Variants in GPC6 observed in about 807,000 individuals in gnomAD.
GPC6 encodes the protein glypican 6.
Under a neutral mutation model 55.2 loss-of-function variants are expected in GPC6, and 14 were observed. The observed-to-expected ratio is 0.25, with a 90% CI of 0.17 to 0.40. The LOEUF (loss-of-function observed/expected upper bound fraction) is 0.40. Ranked by LOEUF, GPC6 falls within the 10% of genes least tolerant of loss-of-function variation. The pLI, the probability that GPC6 is intolerant of heterozygous loss-of-function variation, is 1.00. For synonymous variants in GPC6, 278 were observed against 259.6 expected, an observed-to-expected ratio of 1.07 and a Z score of -0.68; for missense variants, 641 against 708.5, an observed-to-expected ratio of 0.90 and a Z score of 1.08.
intron 4 of GPC6, among the ~76,000 whole-genome samples, chr13:94,079,485 T>A (rs186831266): frequency 6.6e-6 from 1 of 152,174 alleles, no homozygotes; most frequent in Non-Finnish European, 1.5e-5. Context: ...TCAATGTTTG[T>A]AGAGTCATTG....
chr13:93,627,338 C>CT (rs1352675008), intron 2 of GPC6, among the ~76,000 whole-genome samples: 1 of 152,070 alleles, frequency 6.6e-6, no homozygotes, highest in African/African-American at 2.4e-5. Flanking sequence ...TGAACTCATC[C>CT]TTTTTTATGG....
intron 4 of GPC6, among the ~76,000 whole-genome samples, chr13:94,125,637 T>A (rs1886780582): frequency 6.6e-6 from 1 of 152,112 alleles, no homozygotes; most frequent in Non-Finnish European, 1.5e-5. Context: ...AGACCTGCAC[T>A]GCTGGCCCAG....
chr13:94,272,607 C>T (rs11618826), intron 4 of GPC6, among the ~76,000 whole-genome samples: 9,733 of 151,014 alleles, frequency 0.064, 440 homozygotes, highest in Non-Finnish European at 0.094. Flanking sequence ...TAGCTGGGAC[C>T]ACAGGCGCCC....
chr13:94,093,468 A>G (rs565394210), intron 4 of GPC6, among the ~76,000 whole-genome samples: 7 of 152,024 alleles, frequency 4.6e-5, no homozygotes, highest in African/African-American at 1.7e-4. Flanking sequence ...TTACGTATCT[A>G]TTTTTGTGGT....
chr13:93,808,441 C>T lies in GPC6; in HGVS notation c.320-21713C>T, dbSNP rs115148010. Among the ~76,000 whole-genome samples the T allele has an allele frequency of 3.0e-3, 458 of 152,260 alleles. 3 individuals carry two copies. Among genetic ancestry groups the T allele is most frequent in the African/African-American group, 0.011 (446 of 41,546 alleles). ...CCTGATCTTTAAGTACATAATAACT[C>T]CTCTCTCTATATGAGATGCTTTCAG... On this transcript the variant is annotated intron_variant, in intron 2 of 8. Coordinates refer to ENST00000377047, the MANE Select transcript of GPC6 (RefSeq NM_005708.5).
chr13:93,804,401 G>C (rs1594471889), intron 2 of GPC6, among the ~76,000 whole-genome samples: 1 of 152,040 alleles, frequency 6.6e-6, no homozygotes, highest in South Asian at 2.1e-4. Context: ...TTATTTTATT[G>C]ATTTGCTTCA....
chr13:93,370,515 G>A (rs1881410840), intron 1 of GPC6, among the ~76,000 whole-genome samples: 1 of 152,098 alleles, frequency 6.6e-6, no homozygotes, highest in African/African-American at 2.4e-5. Flanking sequence ...CAATAAGGAT[G>A]TTTATTGTTA....
At chr13:94,170,173 A>G (rs2138927822) in intron 4 of GPC6, among the ~76,000 whole-genome samples, 1 of 152,348 alleles carries the variant, frequency 6.6e-6, no homozygotes, top group Middle Eastern at 3.4e-3. Context: ...ATCCTCAACC[A>G]GAAAGCAACA....
At chr13:94,304,718 C>G (rs1875850972) in intron 5 of GPC6, among the ~76,000 whole-genome samples, 1 of 152,232 alleles carries the variant, frequency 6.6e-6, no homozygotes, top group Non-Finnish European at 1.5e-5. Flanking sequence ...AAGGAAGTGT[C>G]TCCACACCAC....
At chr13:93,515,658 G>A (rs1177597247) in intron 1 of GPC6, among the ~76,000 whole-genome samples, 1 of 152,056 alleles carries the variant, frequency 6.6e-6, no homozygotes, top group Non-Finnish European at 1.5e-5. Flanking sequence ...AATTCCAAAG[G>A]CAAAATAAAT....
At chr13:93,990,779 C>T (rs1325067448) in intron 3 of GPC6, among the ~76,000 whole-genome samples, 1 of 151,440 alleles carries the variant, frequency 6.6e-6, no homozygotes, top group Admixed American at 6.6e-5. Context: ...ATGAGGATTC[C>T]TCGAGCCCAT....
At chr13:94,401,293 G>C (rs924598254) in intron 8 of GPC6, among the ~76,000 whole-genome samples, 15 of 152,172 alleles carry the variant, frequency 9.9e-5, no homozygotes, top group African/African-American at 3.6e-4. Context: ...ACATTCTTGA[G>C]AAGGAGATAA....
chr13:94,173,621 T>C (rs1292953450), intron 4 of GPC6, among the ~76,000 whole-genome samples: 1 of 152,164 alleles, frequency 6.6e-6, no homozygotes, highest in Admixed American at 6.5e-5. Flanking sequence ...AATATAAATA[T>C]TTAGGTTTCA....
intron 1 of GPC6, among the ~76,000 whole-genome samples, chr13:93,522,419 G>T (rs1000577470): frequency 2.6e-5 from 4 of 151,824 alleles, no homozygotes; most frequent in Non-Finnish European, 4.4e-5. Context: ...CATTGAACTA[G>T]TTGTAACTTC....
intron 4 of GPC6, among the ~76,000 whole-genome samples, chr13:94,029,127 G>A (rs1318424243): frequency 2.0e-5 from 3 of 152,180 alleles, no homozygotes. Flanking sequence ...AGAATTCAGA[G>A]AAACTGAAGC....
At chr13:93,468,759 A>C (rs1465386530) in intron 1 of GPC6, among the ~76,000 whole-genome samples, 1 of 152,228 alleles carries the variant, frequency 6.6e-6, no homozygotes, top group East Asian at 1.9e-4. Flanking sequence ...GGCAATTTCT[A>C]ATGAATGCAA....
intron 3 of GPC6, among the ~76,000 whole-genome samples, chr13:94,010,951 C>G (rs1594664104): frequency 6.6e-6 from 1 of 151,984 alleles, no homozygotes; most frequent in East Asian, 1.9e-4. Flanking sequence ...TAGAAATGGA[C>G]AAGAGCATCA....
intron 4 of GPC6, among the ~76,000 whole-genome samples, chr13:94,140,162 G>A: frequency 6.6e-6 from 1 of 151,974 alleles, no homozygotes; most frequent in Non-Finnish European, 1.5e-5. Context: ...TAAAAGACAA[G>A]CCAAGAAGCA....
chr13:93,398,252 T>A lies in GPC6; in HGVS notation c.161-147011T>A, dbSNP rs541297476. On this transcript the variant is annotated intron_variant, in intron 1 of 8. Coordinates refer to ENST00000377047, the MANE Select transcript of GPC6 (RefSeq NM_005708.5). ...GTTCTTTTTATGTTTAAAAATCTCA[T>A]CACAGTCTCTCCCATTAAGCTTTCC... Among the ~76,000 whole-genome samples, 4 of 152,192 alleles carry A rather than the reference T, an allele frequency of 2.6e-5. No individual in the cohort carries two copies. The East Asian group carries it at 7.7e-4, about 29-fold the overall frequency.
Sources: allele counts gnomAD v4.1 joint callset (sites outside exome capture counted in the v4.1 genomes callset), GRCh38; gene constraint gnomAD v4.1.1; transcripts MANE v1.5; gene names NCBI Gene and HGNC (gene_info 2026-07-23, HGNC 2026-07-21).